The following OTOF variants were observed in gnomAD, a reference collection of about 807,000 sequenced individuals.
The protein encoded by OTOF is fer-1-like family member 2.
Under a neutral mutation model 236.8 loss-of-function variants are expected in OTOF, and 218 were observed. The ratio of observed to expected loss-of-function variants is 0.92; its 90% CI spans 0.82 to 1.03. The LOEUF (loss-of-function observed/expected upper bound fraction) is 1.03, where lower values mean the gene tolerates loss of function less well. OTOF is among the 50% of genes least tolerant of loss of function. The pLI is 0.00. For missense variants in OTOF, 2,590 were observed against 2,694.4 expected (o/e 0.96, Z 0.86); for synonymous variants, 1,041 against 1,072.5 (o/e 0.97, Z 0.57).
intron 32 of OTOF, among the ~76,000 whole-genome samples, 156 bp from the exon 33 acceptor site, chr2:26,468,630 TA>T (rs1177839495): frequency 6.6e-6 from 1 of 152,138 alleles, no homozygotes; most frequent in Non-Finnish European, 1.5e-5. Flanking sequence ...TTAAGTGGGT[TA>T]AAAAAAGTTT....
chr2:26,553,857 G>A (rs13029128), intron 1 of OTOF, among the ~76,000 whole-genome samples: 1 of 151,840 alleles, frequency 6.6e-6, no homozygotes, highest in African/African-American at 2.4e-5. Context: ...CCACCTATGG[G>A]CTGGAGCTGA....
In OTOF at chr2:26,519,100, C is replaced by T. The variant is rs117985483; in HGVS notation, c.237G>A (p.Gly79=). 760 of 1,597,790 alleles carry T rather than the reference C, an allele frequency of 4.8e-4. 4 individuals carry two copies. The highest frequency in any genetic ancestry group is 4.5e-3 in the East Asian group (203 of 44,712). ...CCTTCTGCAGCACCATGCGGAAGGTCCCGATGAGCCTGGGGATGGCAGAGG... is the reference window on the plus strand; with the variant it reads ...CCTTCTGCAGCACCATGCGGAAGGTTCCGATGAGCCTGGGGATGGCAGAGG... ...YSKVFSNKLI[G]TFRMVLQKVV... is the part of the protein sequence containing the mutation. Residue 79 remains glycine, a synonymous_variant, in exon 4 of 47, where the codon GGG becomes GGA. Transcript: ENST00000272371.
chr2:26,483,617 C>CG lies in OTOF; in HGVS notation c.1236dup (p.Glu413ArgfsTer35), dbSNP rs397515581. On this transcript the variant is annotated frameshift_variant, in exon 13 of 47. Transcript: ENST00000272371. LOFTEE classifies it high-confidence loss of function. Reference sequence around the variant, plus strand: ...ACATAGAACCGGGCCCACTGGCGTTCGGGGGGCACCCCCTCGGGGAGCAGC... The same window carrying CG: ...ACATAGAACCGGGCCCACTGGCGTTCGGGGGGGCACCCCCTCGGGGAGCAGC... 1.2e-6 allele frequency: 2 copies of CG among 1,612,884 alleles called. No individual in the cohort carries two copies.
At chr2:26,549,668 T>A (rs575622743) in intron 1 of OTOF, among the ~76,000 whole-genome samples, 1 of 152,332 alleles carries the variant, frequency 6.6e-6, no homozygotes, top group African/African-American at 2.4e-5. Flanking sequence ...AGGTTTACAC[T>A]ATGGAAACTT....
In OTOF at chr2:26,469,980, G is replaced by A. The variant is rs186246953; in HGVS notation, c.4023+613C>T. On this transcript the variant is annotated intron_variant, in intron 32 of 46. Coordinates refer to ENST00000272371, the MANE Select transcript of OTOF (RefSeq NM_194248.3). ...CACAAACAAGAAAGCAGAGAAATGC[G>A]CTTTCTGGAACTTGCAATCTGGCCA... Among the ~76,000 whole-genome samples, 100 of 152,300 alleles carry A rather than the reference G, an allele frequency of 6.6e-4. 1 individual carries two copies. The highest frequency in any genetic ancestry group is 6.1e-3 in the Admixed American group (94 of 15,296).
chr2:26,487,192 C>A (rs183840077), intron 11 of OTOF, among the ~76,000 whole-genome samples: 5 of 152,342 alleles, frequency 3.3e-5, no homozygotes, highest in Admixed American at 6.5e-5. Context: ...AGCTTCCCAG[C>A]AGCACCCAGG....
At chr2:26,551,774 A>T (rs149980882) in intron 1 of OTOF, among the ~76,000 whole-genome samples, 26 of 152,372 alleles carry the variant, frequency 1.7e-4, no homozygotes, top group African/African-American at 5.8e-4. Flanking sequence ...TTGATGAGAC[A>T]ATTAGGAATT....
At position 26,547,795 on chromosome 2, in the gene OTOF, C is replaced by T. The variant is rs189727203; in HGVS notation, c.80-10021G>A. Among the ~76,000 whole-genome samples the T allele has an allele frequency of 7.3e-3, 1,108 of 152,178 alleles. 5 individuals are homozygous for T. Among genetic ancestry groups the T allele is most frequent in the Non-Finnish European group, 0.013 (888 of 68,010 alleles). On this transcript the variant is annotated intron_variant, in intron 1 of 46. Coordinates refer to ENST00000272371, the MANE Select transcript of OTOF (RefSeq NM_194248.3). ...GACAGAGGTTGCAGTGAGCTGAGAT[C>T]GCGCCACTGCACTCCAGCCTGGGTG...
At chr2:26,480,737 G>A in intron 15 of OTOF, 49 bp downstream of exon 15, 3 of 1,492,970 alleles carry the variant, frequency 2.0e-6, no homozygotes, top group South Asian at 2.3e-5. Flanking sequence ...CAGGGAGAAG[G>A]GGGCTGAGCT....
intron 1 of OTOF, among the ~76,000 whole-genome samples, chr2:26,539,387 C>A (rs1423604353): frequency 6.6e-6 from 1 of 152,122 alleles, no homozygotes; most frequent in Admixed American, 6.5e-5. Context: ...ATACCAAAAC[C>A]CAAACTATAT....
chr2:26,476,376 G>A (rs745779328), intron 22 of OTOF, 59 bp from the exon 23 acceptor site: 228 of 1,522,018 alleles, frequency 1.5e-4, no homozygotes, highest in Non-Finnish European at 2.0e-4. Flanking sequence ...AAGAGGTGGG[G>A]AAGGGGCAGG....
At position 26,477,889 on chromosome 2, in the gene OTOF, A is replaced by G. The variant is rs200281469; in HGVS notation, c.2215-140T>C. 1.4e-5 allele frequency: 21 copies of G among 1,542,278 alleles called. No homozygotes were observed. Among genetic ancestry groups the G allele is most frequent in the South Asian group, 1.2e-5 (1 of 83,594 alleles). On this transcript the variant is annotated intron_variant, in intron 18 of 46. Coordinates refer to ENST00000272371, the MANE Select transcript of OTOF (RefSeq NM_194248.3). This position sits in a 1 kb window ranked among gnomAD's most constrained non-coding sequence, Gnocchi z 4.7. ...GCTAGGGCCATCCTGAGTATCGGTC[A>G]TCATGAGGAAGTCATCAATTTCCCA...
At chr2:26,506,281 T>C (rs1666246022) in intron 5 of OTOF, among the ~76,000 whole-genome samples, 1 of 152,234 alleles carries the variant, frequency 6.6e-6, no homozygotes, top group African/African-American at 2.4e-5. Context: ...CGTTTGACTT[T>C]GCACCATTAC....
At chr2:26,541,226 C>A (rs903102610) in intron 1 of OTOF, among the ~76,000 whole-genome samples, 1 of 152,130 alleles carries the variant, frequency 6.6e-6, no homozygotes, top group Non-Finnish European at 1.5e-5. Flanking sequence ...CAGGAAACAC[C>A]GAGGATCAAA....
rs753010779 is a variant in OTOF at position 26,472,516 on chromosome 2, T to C, written c.3864+3A>G. On this transcript the variant is annotated splice_donor_region_variant and intron_variant, in intron 30 of 46. Coordinates refer to ENST00000272371, the MANE Select transcript of OTOF (RefSeq NM_194248.3). Reference sequence around the variant, plus strand: ...AGCAGGGGGCTGACCCCACCCGCCTTACCGCGTCCAGCTTCACCATGGTCT... The same window carrying C: ...AGCAGGGGGCTGACCCCACCCGCCTCACCGCGTCCAGCTTCACCATGGTCT... 1.2e-5 allele frequency: 20 copies of C among 1,613,312 alleles called. No individual in the cohort carries two copies. The highest frequency in any genetic ancestry group is 8.3e-5 in the Admixed American group (5 of 60,008).
chr2:26,474,713 C>T, intron 25 of OTOF, 39 bp from the exon 26 acceptor site: 1 of 1,608,830 alleles, frequency 6.2e-7, no homozygotes, highest in Non-Finnish European at 8.5e-7. Flanking sequence ...TTGGTGCTTG[C>T]TGTCCACACC....
chr2:26,527,848 T>C lies in OTOF; in HGVS notation c.211A>G (p.Lys71Glu). ...MLEIQVFNYS[K>E]VFSNKLIGTF... ...CACACTTACTTGTTGCTGAAGACTT[T>C]GCTGTAGTTGAAAACCTGAATCTCC... Residue 71 changes from lysine (K) to glutamate (E), a missense_variant, in exon 3 of 47, where the codon AAA becomes GAA. Physicochemically the swap from Lys to Glu is moderately conservative, Grantham distance 56 (BLOSUM62 1). This residue lies in a region of OTOF where 1,379 missense variants were observed against 1,341.6 expected (regional missense o/e 1.03). Coordinates refer to ENST00000272371, the MANE Select transcript of OTOF (RefSeq NM_194248.3). The C allele has an allele frequency of 6.2e-7, 1 of 1,613,500 alleles. No individual in the cohort carries two copies. Among genetic ancestry groups the C allele is most frequent in the Non-Finnish European group, 8.5e-7 (1 of 1,179,408 alleles).
chr2:26,483,423 T>C (rs770107090), intron 13 of OTOF, 39 bp downstream of exon 13: 1 of 1,596,622 alleles, frequency 6.3e-7, no homozygotes, highest in East Asian at 2.2e-5. Flanking sequence ...GTGATACCTG[T>C]CACCCAGCCC....
At chr2:26,519,612 C>T (rs959936351) in intron 3 of OTOF, among the ~76,000 whole-genome samples, 8 of 152,180 alleles carry the variant, frequency 5.3e-5, no homozygotes, top group African/African-American at 2.4e-5. Context: ...ATGGCAGAGC[C>T]CATGGAACTG....
Sources: allele counts gnomAD v4.1 joint callset (sites outside exome capture counted in the v4.1 genomes callset), GRCh38; gene constraint gnomAD v4.1.1; regional missense constraint gnomAD v4.1.1; non-coding constraint Gnocchi (gnomAD v3.1); transcripts MANE v1.5; gene names NCBI Gene and HGNC (gene_info 2026-07-23, HGNC 2026-07-21).